The following TAS2R1 variants were observed in gnomAD, a reference collection of about 807,000 sequenced individuals.
TAS2R1 encodes the protein taste receptor type 2 member 1.
For missense variants in TAS2R1, 370 were observed against 353.4 expected, an observed-to-expected ratio of 1.05 and a Z score of -0.38; for synonymous variants, 141 against 134.2, an observed-to-expected ratio of 1.05 and a Z score of -0.35.
chr5:9,875,532 A>G, the TAS2R1 span, among the ~76,000 whole-genome samples: 1 of 152,222 alleles, frequency 6.6e-6, no homozygotes, highest in Middle Eastern at 3.2e-3. Context: ...GTGTTCCCAC[A>G]GGTTCATCAC....
the TAS2R1 span, among the ~76,000 whole-genome samples, chr5:9,720,780 A>G: frequency 2.6e-5 from 4 of 152,320 alleles, no homozygotes; most frequent in African/African-American, 9.6e-5. Flanking sequence ...TACCTTGAAG[A>G]TTCACTCAGT....
At chr5:9,767,283 A>G in the TAS2R1 span, among the ~76,000 whole-genome samples, 3 of 151,782 alleles carry the variant, frequency 2.0e-5, no homozygotes, top group Admixed American at 6.6e-5. Flanking sequence ...GTCGGTGCTC[A>G]TATGCAAACC....
chr5:9,799,818 T>G, the TAS2R1 span, among the ~76,000 whole-genome samples: 1 of 152,230 alleles, frequency 6.6e-6, no homozygotes, highest in Non-Finnish European at 1.5e-5. Context: ...CTAACAGATG[T>G]TTGTTCTCAA....
the TAS2R1 span, among the ~76,000 whole-genome samples, chr5:9,774,426 T>A: frequency 6.6e-6 from 1 of 152,256 alleles, no homozygotes; most frequent in African/African-American, 2.4e-5. Flanking sequence ...TGATCACTGA[T>A]AACCTTATTA....
chr5:9,672,301 T>C (rs1740782517), intron 1 of TAS2R1, among the ~76,000 whole-genome samples: 1 of 151,768 alleles, frequency 6.6e-6, no homozygotes, highest in African/African-American at 2.4e-5. Context: ...GGGATCTAAT[T>C]AAGAGCTTCC....
At chr5:9,853,806 C>T in the TAS2R1 span, among the ~76,000 whole-genome samples, 2 of 152,102 alleles carry the variant, frequency 1.3e-5, no homozygotes, top group Non-Finnish European at 2.9e-5. Flanking sequence ...TGACCAATGA[C>T]AGAGGATCAC....
chr5:9,765,991 T>G, the TAS2R1 span, among the ~76,000 whole-genome samples: 1 of 152,254 alleles, frequency 6.6e-6, no homozygotes, highest in Non-Finnish European at 1.5e-5. Flanking sequence ...CTTTGTCTGG[T>G]GCTCTGTGAT....
chr5:9,786,464 G>A, the TAS2R1 span, among the ~76,000 whole-genome samples: 5 of 152,194 alleles, frequency 3.3e-5, no homozygotes, highest in African/African-American at 1.2e-4. Context: ...TCAAAGGTGA[G>A]TAAGTGGTGC....
intron 1 of TAS2R1, among the ~76,000 whole-genome samples, chr5:9,661,628 G>A (rs1740534275): frequency 6.6e-6 from 1 of 152,182 alleles, no homozygotes; most frequent in African/African-American, 2.4e-5. Flanking sequence ...TCCCTTTAAT[G>A]TAGCCATCTG....
chr5:9,880,058 C>G, the TAS2R1 span, among the ~76,000 whole-genome samples: 1 of 152,156 alleles, frequency 6.6e-6, no homozygotes, highest in Non-Finnish European at 1.5e-5. Context: ...TTAACATACT[C>G]GAGTTCTACA....
the TAS2R1 span, among the ~76,000 whole-genome samples, chr5:9,819,630 TA>T: frequency 2.0e-5 from 3 of 152,326 alleles, no homozygotes; most frequent in East Asian, 5.8e-4. Flanking sequence ...GGGATAACTG[TA>T]TCTGCTGCAT....
At chr5:9,748,793 T>C in the TAS2R1 span, among the ~76,000 whole-genome samples, 2 of 152,140 alleles carry the variant, frequency 1.3e-5, no homozygotes, top group Non-Finnish European at 2.9e-5. Context: ...AATTTCAACA[T>C]GAAGTTTGGA....
At chr5:9,672,737 A>T (rs1740793422) in intron 1 of TAS2R1, among the ~76,000 whole-genome samples, 1 of 152,082 alleles carries the variant, frequency 6.6e-6, no homozygotes, top group Non-Finnish European at 1.5e-5. Context: ...TTTTCAAAGA[A>T]CTTATCTTTG....
the TAS2R1 span, among the ~76,000 whole-genome samples, chr5:9,746,215 G>C: frequency 6.6e-6 from 1 of 152,190 alleles, no homozygotes; most frequent in South Asian, 2.1e-4. Flanking sequence ...ACCACAATGA[G>C]ATACCATCTC....
upstream of TAS2R1, among the ~76,000 whole-genome samples, chr5:9,634,730 G>A (rs1739934710): frequency 6.6e-6 from 1 of 151,954 alleles, no homozygotes; most frequent in Non-Finnish European, 1.5e-5. Context: ...CTGAGTTCTT[G>A]ATTTGTTTCT....
At chr5:9,747,959 G>A in the TAS2R1 span, among the ~76,000 whole-genome samples, 1 of 152,054 alleles carries the variant, frequency 6.6e-6, no homozygotes, top group Non-Finnish European at 1.5e-5. Context: ...ATTAGGGGAT[G>A]TGTTATGGAT....
chr5:9,829,084 C>T, the TAS2R1 span, among the ~76,000 whole-genome samples: 1 of 152,154 alleles, frequency 6.6e-6, no homozygotes, highest in Non-Finnish European at 1.5e-5. Context: ...AGAACCTCAG[C>T]TGTGTTGAGA....
At chr5:9,783,299 TAAGA>T in the TAS2R1 span, among the ~76,000 whole-genome samples, 1 of 152,196 alleles carries the variant, frequency 6.6e-6, no homozygotes, top group Non-Finnish European at 1.5e-5. Context: ...CCTTAGCTAT[TAAGA>T]AAGGCAGTAA....
At chr5:9,827,963 G>A in the TAS2R1 span, among the ~76,000 whole-genome samples, 11 of 151,896 alleles carry the variant, frequency 7.2e-5, no homozygotes, top group African/African-American at 2.4e-4. Context: ...ACGATATTCC[G>A]CTTTGCTAAA....
Sources: allele counts gnomAD v4.1 joint callset (sites outside exome capture counted in the v4.1 genomes callset), GRCh38; gene constraint gnomAD v4.1.1; transcripts MANE v1.5; gene names NCBI Gene and HGNC (gene_info 2026-07-23, HGNC 2026-07-21).